The following RGS7 variants were observed in gnomAD, a reference collection of about 807,000 sequenced individuals.
The protein encoded by RGS7 is regulator of G protein signaling 7, also known as regulator of G-protein signaling 7.
In RGS7, 27 loss-of-function variants were observed where a neutral mutation model predicts 81.1. The ratio of observed to expected loss-of-function variants is 0.33; its 90% confidence interval spans 0.25 to 0.46. The LOEUF (loss-of-function observed/expected upper bound fraction) is 0.46, where lower values mean the gene tolerates loss of function less well. Among genes scored for constraint, RGS7 ranks in the 20% least tolerant of loss-of-function variants. The pLI is 1.00. For missense variants in RGS7, 396 were observed against 607.4 expected (o/e 0.65, Z 3.66); for synonymous variants, 208 against 207.7 (o/e 1.00, Z -0.01).
chr1:241,207,070 G>A (rs376839132), intron 2 of RGS7, among the ~76,000 whole-genome samples: 3,373 of 139,558 alleles, frequency 0.024, 126 homozygotes, highest in African/African-American at 0.082. Context: ...CCGGGTTCAC[G>A]CCATTCTCCT....
chr1:240,825,461 G>A (rs555368717), intron 10 of RGS7, among the ~76,000 whole-genome samples: 1 of 152,134 alleles, frequency 6.6e-6, no homozygotes, highest in Admixed American at 6.5e-5. Context: ...AGAAAAATCC[G>A]TTTTCTCCAA....
chr1:241,130,944 A>AAAAAAAAAAAAAAAAAAAAC (rs1491202997), intron 2 of RGS7, among the ~76,000 whole-genome samples: 4 of 150,132 alleles, frequency 2.7e-5, no homozygotes, highest in African/African-American at 1.0e-4. Context: ...AAAAAAAAAA[A>AAAAAAAAAAAAAAAAAAAAC]ACCAAGAGGC....
At chr1:241,158,235 A>G (rs2103176571) in intron 2 of RGS7, among the ~76,000 whole-genome samples, 1 of 152,320 alleles carries the variant, frequency 6.6e-6, no homozygotes, top group South Asian at 2.1e-4. Context: ...TGAAAGCCAA[A>G]TATGTTTACT....
chr1:240,787,289 G>A (rs562280108), intron 18 of RGS7, among the ~76,000 whole-genome samples: 10 of 152,112 alleles, frequency 6.6e-5, no homozygotes, highest in African/African-American at 1.7e-4. Context: ...TTGCTCTTAC[G>A]ACATTATATG....
chr1:241,164,616 C>A lies in RGS7; in HGVS notation c.79-65854G>T, dbSNP rs2070032374. ...ACCAAACTAGATAGGCCAGGTCTGGCAGACTGTTGCTAGCTTTACCTCATC... is the reference window on the plus strand; with the variant it reads ...ACCAAACTAGATAGGCCAGGTCTGGAAGACTGTTGCTAGCTTTACCTCATC... On this transcript the variant is annotated intron_variant, in intron 2 of 18. Coordinates refer to ENST00000440928, the MANE Select transcript of RGS7 (RefSeq NM_001364886.1). The surrounding 1 kb of genome is among the most constrained non-coding windows in gnomAD (Gnocchi z 4.1). 6.6e-6 allele frequency among the ~76,000 whole-genome samples: 1 copy of A among 152,162 alleles called. No individual in the cohort carries two copies. Among genetic ancestry groups the A allele is most frequent in the Non-Finnish European group, 1.5e-5 (1 of 68,028 alleles).
intron 18 of RGS7, among the ~76,000 whole-genome samples, chr1:240,778,996 C>T (rs1156330708): frequency 6.6e-5 from 10 of 152,116 alleles, no homozygotes; most frequent in East Asian, 1.9e-4. Flanking sequence ...TCAAAGCTCA[C>T]ATGTTGAAAG....
At chr1:241,079,708 G>C (rs2815846) in intron 3 of RGS7, among the ~76,000 whole-genome samples, 24,439 of 152,138 alleles carry the variant, frequency 0.16, 2,043 homozygotes, top group African/African-American at 0.19. Flanking sequence ...CATGCACCTT[G>C]AATGTGCTGT....
chr1:240,937,196 A>G (rs1676787764), intron 4 of RGS7, among the ~76,000 whole-genome samples: 1 of 152,206 alleles, frequency 6.6e-6, no homozygotes, highest in African/African-American at 2.4e-5. Flanking sequence ...AGGACACAGA[A>G]GCAGGGACTA....
chr1:241,128,519 A>C (rs1485698790), intron 2 of RGS7, among the ~76,000 whole-genome samples: 1 of 151,966 alleles, frequency 6.6e-6, no homozygotes, highest in Non-Finnish European at 1.5e-5. Context: ...CCCGGGGCGG[A>C]GGTTACAGTG....
At chr1:240,920,122 C>G in intron 6 of RGS7, 1 of 907,790 alleles carries the variant, frequency 1.1e-6, no homozygotes, top group South Asian at 1.3e-5. Context: ...GACTATGACT[C>G]CGTGGATAAG....
At chr1:240,890,320 T>C (rs949598198) in intron 6 of RGS7, among the ~76,000 whole-genome samples, 2 of 152,050 alleles carry the variant, frequency 1.3e-5, no homozygotes, top group Non-Finnish European at 2.9e-5. Flanking sequence ...ACCCAGCTAA[T>C]TTTTGTGTTT....
intron 2 of RGS7, among the ~76,000 whole-genome samples, chr1:241,225,056 A>G (rs1486568390): frequency 1.3e-5 from 2 of 152,114 alleles, no homozygotes; most frequent in East Asian, 3.9e-4. Context: ...ACATGGATAT[A>G]TTGCCTAGTG....
In RGS7 at chr1:241,146,127, C is replaced by T. The variant is rs147793585; in HGVS notation, c.79-47365G>A. ...GGAAGGAAAAGCAAACACAGTCAGCCCTCCCTCCACACTGGCATCCATGCA... is the reference window on the plus strand; with the variant it reads ...GGAAGGAAAAGCAAACACAGTCAGCTCTCCCTCCACACTGGCATCCATGCA... On this transcript the variant is annotated intron_variant, in intron 2 of 18. Transcript: ENST00000440928. Among the ~76,000 whole-genome samples, 818 of 152,104 alleles carry T rather than the reference C, an allele frequency of 5.4e-3. 11 individuals carry two copies. Among genetic ancestry groups the T allele is most frequent in the African/African-American group, 0.019 (790 of 41,468 alleles).
chr1:240,817,770 T>C (rs1346241821), intron 10 of RGS7, among the ~76,000 whole-genome samples: 1 of 152,070 alleles, frequency 6.6e-6, no homozygotes, highest in Non-Finnish European at 1.5e-5. Flanking sequence ...ACCCGGCTAA[T>C]TTTTGTATTT....
At chr1:240,798,469 G>T (rs1687445807) in intron 18 of RGS7, among the ~76,000 whole-genome samples, 1 of 152,118 alleles carries the variant, frequency 6.6e-6, no homozygotes, top group South Asian at 2.1e-4. Flanking sequence ...TGGGGAGGTG[G>T]GTATCATCAG....
intron 2 of RGS7, among the ~76,000 whole-genome samples, chr1:241,147,373 C>G (rs2068385082): frequency 6.6e-6 from 1 of 152,158 alleles, no homozygotes. Flanking sequence ...TGTAGAGTTT[C>G]ACCACCATTA....
chr1:241,181,311 G>A (rs4660041), intron 2 of RGS7, among the ~76,000 whole-genome samples: 113,534 of 152,110 alleles, frequency 0.75, 43,316 homozygotes, highest in Middle Eastern at 0.84. Flanking sequence ...ATACGGATAC[G>A]GGGTATAGGA....
intron 2 of RGS7, among the ~76,000 whole-genome samples, chr1:241,335,255 T>C (rs2082178095): frequency 6.6e-6 from 1 of 152,198 alleles, no homozygotes; most frequent in Admixed American, 6.5e-5. Context: ...TACATGCACA[T>C]TTCACAAATG....
chr1:241,087,977 TATATATATATATATATATA>T (rs2063561679), intron 3 of RGS7, among the ~76,000 whole-genome samples: 1 of 56,994 alleles, frequency 1.8e-5, no homozygotes, highest in African/African-American at 9.2e-5. Context: ...TCTCTCTCTC[TATATATATATATATATATA>T]CACACACACA....
Sources: gnomAD v4.1 joint callset for allele counts (sites outside exome capture counted in the v4.1 genomes callset) on GRCh38, gnomAD v4.1.1 for gene constraint, Gnocchi (gnomAD v3.1) non-coding constraint, MANE v1.5 for transcripts, NCBI Gene and HGNC (gene_info 2026-07-23, HGNC 2026-07-21) for gene names.